STIM2: variants seen among roughly 807,000 people sequenced by gnomAD.
The protein encoded by STIM2 is stromal interaction molecule 2.
In STIM2, 31 loss-of-function variants were observed where a neutral mutation model predicts 85.8. The ratio of observed to expected loss-of-function variants is 0.36; its 90% confidence interval spans 0.27 to 0.49. The LOEUF is 0.49. Ranked by LOEUF, STIM2 falls within the 20% of genes least tolerant of loss-of-function variation. The pLI, the probability that STIM2 is intolerant of heterozygous loss-of-function variation, is 0.98. For missense variants in STIM2, 841 were observed against 927.6 expected, an observed-to-expected ratio of 0.91 and a Z score of 1.21; for synonymous variants, 356 against 331.1, an observed-to-expected ratio of 1.08 and a Z score of -0.82.
chr4:26,879,504 T>A (rs74698341), intron 1 of STIM2, among the ~76,000 whole-genome samples: 3,147 of 152,278 alleles, frequency 0.021, 111 homozygotes, highest in African/African-American at 0.072. Flanking sequence ...ATTATTACTA[T>A]GAATTCTGAT....
intron 7 of STIM2, among the ~76,000 whole-genome samples, chr4:27,007,066 G>T (rs1390165947): frequency 1.3e-5 from 2 of 152,164 alleles, no homozygotes; most frequent in Admixed American, 6.5e-5. Context: ...TTAGGAGGAG[G>T]AGTAGAACGT....
At chr4:26,937,139 G>C (rs61047003) in intron 2 of STIM2, among the ~76,000 whole-genome samples, 48,536 of 151,962 alleles carry the variant, frequency 0.32, 8,135 homozygotes, top group African/African-American at 0.44. Flanking sequence ...ACTAATGACT[G>C]TTTTAGCCCC....
At chr4:26,946,127 A>G (rs561171730) in intron 2 of STIM2, among the ~76,000 whole-genome samples, 1 of 152,324 alleles carries the variant, frequency 6.6e-6, no homozygotes, top group South Asian at 2.1e-4. Context: ...ACCATAGGCA[A>G]ACATTGATGT....
chr4:26,961,116 A>T (rs1396400140), intron 3 of STIM2, among the ~76,000 whole-genome samples: 1 of 152,126 alleles, frequency 6.6e-6, no homozygotes, highest in East Asian at 1.9e-4. Flanking sequence ...AATAATGAAG[A>T]TAACTTTATA....
intron 1 of STIM2, among the ~76,000 whole-genome samples, chr4:26,896,547 A>G (rs1723710892): frequency 6.6e-6 from 1 of 152,174 alleles, no homozygotes; most frequent in African/African-American, 2.4e-5. Context: ...ATTTTTTTAA[A>G]AAACGCTTTT....
intron 1 of STIM2, among the ~76,000 whole-genome samples, chr4:26,862,013 A>G (rs894407053): frequency 8.5e-5 from 13 of 152,134 alleles, no homozygotes; most frequent in African/African-American, 2.9e-4. Context: ...CTGGGTGACA[A>G]AGGGTGTAGA....
At chr4:26,901,040 T>A (rs1057304958) in intron 1 of STIM2, among the ~76,000 whole-genome samples, 1 of 152,204 alleles carries the variant, frequency 6.6e-6, no homozygotes, top group African/African-American at 2.4e-5. Context: ...AATTTCCTCT[T>A]TCCTTCCCTT....
intron 2 of STIM2, among the ~76,000 whole-genome samples, chr4:26,944,500 A>G (rs1013971740): frequency 3.3e-5 from 5 of 152,118 alleles, no homozygotes; most frequent in African/African-American, 1.2e-4. Flanking sequence ...ATAGATACTC[A>G]GTAAATATTT....
intron 1 of STIM2, among the ~76,000 whole-genome samples, chr4:26,869,218 G>C (rs529343304): frequency 6.7e-6 from 1 of 150,312 alleles, no homozygotes; most frequent in Non-Finnish European, 1.5e-5. Flanking sequence ...AATCACCTGA[G>C]CCTGGGGGAA....
At chr4:26,941,321 A>G (rs1176325602) in intron 2 of STIM2, among the ~76,000 whole-genome samples, 1 of 152,064 alleles carries the variant, frequency 6.6e-6, no homozygotes, top group Admixed American at 6.6e-5. Flanking sequence ...CCTTCTTCCA[A>G]GCCAAAGTAA....
At position 26,904,175 on chromosome 4, in the gene STIM2, C is replaced by T. The variant is rs540692385; in HGVS notation, c.152-15329C>T. On this transcript the variant is annotated intron_variant, in intron 1 of 11. Transcript: ENST00000467087. Reference sequence around the variant, plus strand: ...GTGTTCTCATTAATAATTCTGTTTTCATGATCTCTGAGCAATCTTGGAGAC... The same window carrying T: ...GTGTTCTCATTAATAATTCTGTTTTTATGATCTCTGAGCAATCTTGGAGAC... 1.8e-4 allele frequency among the ~76,000 whole-genome samples: 27 copies of T among 146,492 alleles called. No individual in the cohort carries two copies. The East Asian group carries it at 5.0e-3, about 27-fold the overall frequency.
chr4:26,994,117 G>T (rs1172484714), intron 3 of STIM2, among the ~76,000 whole-genome samples: 1 of 151,964 alleles, frequency 6.6e-6, no homozygotes, highest in Non-Finnish European at 1.5e-5. Flanking sequence ...CTGTATGTTG[G>T]TGACTTCCCA....
At chr4:26,927,621 G>A in intron 2 of STIM2, among the ~76,000 whole-genome samples, 1 of 59,610 alleles carries the variant, frequency 1.7e-5, no homozygotes, top group Admixed American at 3.0e-4. Flanking sequence ...CATGGCACAT[G>A]TATACATATG....
At chr4:26,969,179 T>C (rs868823697) in intron 3 of STIM2, among the ~76,000 whole-genome samples, 1 of 152,180 alleles carries the variant, frequency 6.6e-6, no homozygotes, top group Non-Finnish European at 1.5e-5. Context: ...CACTAACAAT[T>C]TTTAAATCCT....
chr4:26,948,190 C>T (rs1725915624), intron 2 of STIM2, among the ~76,000 whole-genome samples: 1 of 152,158 alleles, frequency 6.6e-6, no homozygotes. Flanking sequence ...TTCATTCTCC[C>T]TGTATATCTC....
intron 1 of STIM2, among the ~76,000 whole-genome samples, chr4:26,903,358 C>T (rs1415206247): frequency 2.0e-5 from 3 of 152,156 alleles, no homozygotes; most frequent in East Asian, 3.8e-4. Flanking sequence ...ACCAGAGAGG[C>T]TCCTTGGACA....
intron 3 of STIM2, among the ~76,000 whole-genome samples, chr4:26,975,141 A>G (rs1481827658): frequency 2.0e-5 from 3 of 152,044 alleles, no homozygotes; most frequent in Non-Finnish European, 4.4e-5. Context: ...CATTCGTCTA[A>G]TCTTTTTTTC....
At chr4:26,936,282 C>T (rs1476706448) in intron 2 of STIM2, among the ~76,000 whole-genome samples, 1 of 152,170 alleles carries the variant, frequency 6.6e-6, no homozygotes, top group East Asian at 1.9e-4. Flanking sequence ...ACTGGAGTTT[C>T]TTCTCTGTCT....
chr4:26,936,241 CT>C (rs1450541293), intron 2 of STIM2, among the ~76,000 whole-genome samples: 1 of 152,144 alleles, frequency 6.6e-6, no homozygotes, highest in Non-Finnish European at 1.5e-5. Flanking sequence ...TACTTATGTC[CT>C]TATGTCCTGA....
Sources: allele counts gnomAD v4.1 joint callset (sites outside exome capture counted in the v4.1 genomes callset), GRCh38; gene constraint gnomAD v4.1.1; transcripts MANE v1.5; gene names NCBI Gene and HGNC (gene_info 2026-07-23, HGNC 2026-07-21).